The following ZMIZ1 variants were observed in gnomAD, a reference collection of about 807,000 sequenced individuals.
ZMIZ1 encodes zinc finger MIZ-type containing 1.
A neutral mutation model predicts 113.9 loss-of-function variants in ZMIZ1; 17 were observed. The ratio of observed to expected loss-of-function variants is 0.15; its 90% CI spans 0.10 to 0.22. ZMIZ1 has a LOEUF of 0.22. Ranked by LOEUF, ZMIZ1 falls within the 10% of genes least tolerant of loss-of-function variation. ZMIZ1 has a pLI of 1.00. For missense variants in ZMIZ1, 1,059 were observed against 1,477.8 expected (o/e 0.72, Z 4.65); for synonymous variants, 607 against 603.1 (o/e 1.01, Z -0.09).
At chr10:79,227,910 C>G (rs1040185829) in intron 7 of ZMIZ1, among the ~76,000 whole-genome samples, 11 of 152,212 alleles carry the variant, frequency 7.2e-5, no homozygotes, top group African/African-American at 2.7e-4. Context: ...AGCCACTGTG[C>G]AGGAGGCAGG....
chr10:79,110,364 G>A (rs1275786748), intron 1 of ZMIZ1, among the ~76,000 whole-genome samples: 1 of 152,238 alleles, frequency 6.6e-6, no homozygotes, highest in East Asian at 1.9e-4. Flanking sequence ...TGGAAGGACA[G>A]GTGAATGCAT....
chr10:79,267,229 G>A (rs1305647405), intron 7 of ZMIZ1, among the ~76,000 whole-genome samples: 1 of 152,256 alleles, frequency 6.6e-6, no homozygotes, highest in East Asian at 1.9e-4. Flanking sequence ...AGTCCAGTAG[G>A]GAAGGGGGCA....
At chr10:79,197,700 C>T (rs1490570488) in intron 4 of ZMIZ1, among the ~76,000 whole-genome samples, 1 of 151,584 alleles carries the variant, frequency 6.6e-6, no homozygotes, top group Non-Finnish European at 1.5e-5. Context: ...AAAGGGAAAG[C>T]CAGGATTCTA....
intron 2 of ZMIZ1, among the ~76,000 whole-genome samples, chr10:79,128,559 C>T (rs1229114821): frequency 1.3e-5 from 2 of 152,238 alleles, no homozygotes; most frequent in East Asian, 3.9e-4. Context: ...CAGGAGGAGG[C>T]GTGTGTACAT....
At position 79,313,993 on chromosome 10, in the gene ZMIZ1, T is replaced by C; in HGVS notation, c.*1244T>C. 4.4e-6 allele frequency: 2 copies of C among 454,578 alleles called. No individual in the cohort carries two copies. Among genetic ancestry groups the C allele is most frequent in the South Asian group, 3.1e-5 (2 of 64,362 alleles). 28.2% of individuals were successfully genotyped at this position (454,578 alleles called of 1,614,324 possible). ...GGCCATGGACATGTGCACCAGTATGTACCTGCAGGCATGGGGGGGAGGGGG... is the reference window on the plus strand; with the variant it reads ...GGCCATGGACATGTGCACCAGTATGCACCTGCAGGCATGGGGGGGAGGGGG... On this transcript the variant is annotated 3_prime_UTR_variant, in exon 25 of 25. Coordinates refer to ENST00000334512, the MANE Select transcript of ZMIZ1 (RefSeq NM_020338.4).
chr10:79,139,861 C>T, intron 3 of ZMIZ1, 84 bp downstream of exon 3: 3 of 398,666 alleles, frequency 7.5e-6, no homozygotes, highest in Non-Finnish European at 1.3e-5. Flanking sequence ...CCCAGAAGTG[C>T]TGTGGCTGGA....
Position 79,201,626 on chromosome 10 carries a change from G to A in ZMIZ1, c.-7G>A, listed in dbSNP as rs190817159. On this transcript the variant is annotated 5_prime_UTR_variant, in exon 5 of 25. Transcript: ENST00000334512. ...GCTCTCGGGTAGAACCTAGTGAAAC[G>A]GCCAGAATGAATTCTATGGACAGGC... 3.0e-3 allele frequency: 4,829 copies of A among 1,613,434 alleles called. 11 individuals are homozygous for A. Among genetic ancestry groups the A allele is most frequent in the Non-Finnish European group, 3.3e-3 (3,847 of 1,179,760 alleles).
intron 1 of ZMIZ1, among the ~76,000 whole-genome samples, chr10:79,077,607 A>G (rs1045990658): frequency 1.3e-5 from 2 of 152,210 alleles, no homozygotes; most frequent in African/African-American, 2.4e-5. Flanking sequence ...TAAATATAAT[A>G]GCCAGCATTT....
Position 79,306,429 on chromosome 10 carries a change from GC to G in ZMIZ1, c.2668+86del, listed in dbSNP as rs1164558458. The G allele has an allele frequency of 5.1e-6, 8 of 1,555,792 alleles. No homozygotes were observed. In the Admixed American group the frequency reaches 8.9e-5, roughly 17 times the overall value. ...GCACAGAATTTCTGTGCTGATGGTG[GC>G]AGGGGTCGGGGGTGTGGTTGAAGAG... On this transcript the variant is annotated intron_variant, in intron 22 of 24. Transcript: ENST00000334512.
chr10:79,240,923 C>T (rs538918641), intron 7 of ZMIZ1, among the ~76,000 whole-genome samples: 12 of 152,258 alleles, frequency 7.9e-5, no homozygotes, highest in Middle Eastern at 3.4e-3. Flanking sequence ...CTGAACTCAG[C>T]TCCTGGGGCT....
At chr10:79,257,007 C>T (rs1320592099) in intron 7 of ZMIZ1, among the ~76,000 whole-genome samples, 1 of 152,262 alleles carries the variant, frequency 6.6e-6, no homozygotes, top group Non-Finnish European at 1.5e-5. Context: ...TTCCTAGATG[C>T]TGTCTACAGC....
chr10:79,219,877 C>G (rs578011627), intron 7 of ZMIZ1, among the ~76,000 whole-genome samples: 2 of 152,268 alleles, frequency 1.3e-5, no homozygotes, highest in East Asian at 1.9e-4. Flanking sequence ...GACTAACTAC[C>G]TTTCAGGGCC....
At chr10:79,257,148 T>G (rs764336394) in intron 7 of ZMIZ1, among the ~76,000 whole-genome samples, 8 of 152,210 alleles carry the variant, frequency 5.3e-5, no homozygotes, top group Non-Finnish European at 1.0e-4. Flanking sequence ...TATTCACATG[T>G]CAACTCCGCT....
At chr10:79,114,494 C>CGTGT (rs369818551) in intron 1 of ZMIZ1, among the ~76,000 whole-genome samples, 49 of 114,412 alleles carry the variant, frequency 4.3e-4, no homozygotes, top group African/African-American at 1.3e-3. Flanking sequence ...TGTGTGTGTG[C>CGTGT]GTGTGTGTGT....
chr10:79,166,979 G>A (rs1003855640), intron 4 of ZMIZ1, among the ~76,000 whole-genome samples: 2 of 152,238 alleles, frequency 1.3e-5, no homozygotes, highest in African/African-American at 4.8e-5. Flanking sequence ...CTAGCCTTCT[G>A]CCAGCGCCCT....
At chr10:79,308,905 C>A (rs902208799) in intron 23 of ZMIZ1, among the ~76,000 whole-genome samples, 1 of 152,168 alleles carries the variant, frequency 6.6e-6, no homozygotes, top group South Asian at 2.1e-4. Flanking sequence ...TCTGTGAGCC[C>A]CGCTGCCTGC....
Position 79,222,604 on chromosome 10 carries a change from G to C in ZMIZ1, c.280+6330G>C, listed in dbSNP as rs371016582. 1.8e-4 allele frequency among the ~76,000 whole-genome samples: 28 copies of C among 152,308 alleles called. No individual in the cohort carries two copies. In the South Asian group the frequency reaches 2.9e-3, roughly 16 times the overall value. On this transcript the variant is annotated intron_variant, in intron 7 of 24. Coordinates refer to ENST00000334512, the MANE Select transcript of ZMIZ1 (RefSeq NM_020338.4). ...TGGGAAATGTCAGCAGATCACAAGA[G>C]GGGGGCTGAGACATGCCCTGGGCCC...
intron 2 of ZMIZ1, among the ~76,000 whole-genome samples, chr10:79,124,459 G>A (rs190925870): frequency 2.4e-4 from 36 of 152,338 alleles, no homozygotes; most frequent in Non-Finnish European, 4.6e-4. Context: ...ACAACAAACT[G>A]CCTGTCACAG....
intron 2 of ZMIZ1, among the ~76,000 whole-genome samples, chr10:79,138,788 G>A (rs549824035): frequency 6.6e-6 from 1 of 152,230 alleles, no homozygotes; most frequent in East Asian, 1.9e-4. Context: ...TGTTTTACTA[G>A]TTACAATTTA....
Sources: gnomAD v4.1 joint callset for allele counts (sites outside exome capture counted in the v4.1 genomes callset) on GRCh38, gnomAD v4.1.1 for gene constraint, MANE v1.5 for transcripts, NCBI Gene and HGNC (gene_info 2026-07-23, HGNC 2026-07-21) for gene names.